CACNA2D3: variants seen among roughly 807,000 people sequenced by gnomAD.
CACNA2D3 encodes the protein voltage-dependent calcium channel subunit alpha-2/delta-3.
A neutral mutation model predicts 160.6 loss-of-function variants in CACNA2D3; 60 were observed. The observed-to-expected ratio is 0.37, with a 90% CI of 0.30 to 0.46. CACNA2D3 has a LOEUF of 0.46. Ranked by LOEUF, CACNA2D3 falls within the 20% of genes least tolerant of loss-of-function variation. The pLI is 1.00. For missense variants in CACNA2D3, 1,205 were observed against 1,365.0 expected (o/e 0.88, Z 1.85); for synonymous variants, 558 against 492.9 (o/e 1.13, Z -1.75).
intron 4 of CACNA2D3, among the ~76,000 whole-genome samples, chr3:54,495,031 C>G (rs1306767424): frequency 2.0e-5 from 3 of 152,158 alleles, no homozygotes; most frequent in Non-Finnish European, 4.4e-5. Context: ...GACATAGAGC[C>G]AAACCATATC....
intron 13 of CACNA2D3, among the ~76,000 whole-genome samples, chr3:54,797,761 C>T (rs1702896247): frequency 1.3e-5 from 2 of 152,152 alleles, no homozygotes; most frequent in African/African-American, 4.8e-5. Context: ...CTCTCAGTGA[C>T]TCCCTTAAGA....
At chr3:54,727,266 G>C (rs1701295087) in intron 11 of CACNA2D3, among the ~76,000 whole-genome samples, 1 of 152,208 alleles carries the variant, frequency 6.6e-6, no homozygotes, top group Admixed American at 6.5e-5. Context: ...AACAGATGTG[G>C]GAGAGGATGT....
In CACNA2D3 at chr3:54,838,502, G is replaced by A. The variant is rs9815851; in HGVS notation, c.1471-66G>A. 3.2e-3 allele frequency: 4,147 copies of A among 1,292,658 alleles called. 102 individuals carry two copies. The African/African-American group carries it at 0.051, about 16-fold the overall frequency. The allele number at this position is 1,292,658 out of a possible 1,614,324, so 80.1% of individuals were successfully genotyped here. A position where few individuals can be genotyped will look rare whatever the true frequency, so the allele number is the denominator to read the frequency against. On this transcript the variant is annotated intron_variant, in intron 15 of 37. Coordinates refer to ENST00000474759, the MANE Select transcript of CACNA2D3 (RefSeq NM_018398.3). ...CCAGGCAGACGGTATGTGACTTCTC[G>A]TGAGATTCTATTTCTTTTGCCAAGT...
intron 11 of CACNA2D3, among the ~76,000 whole-genome samples, chr3:54,742,666 C>T (rs1297943333): frequency 3.9e-5 from 6 of 152,014 alleles, no homozygotes; most frequent in Non-Finnish European, 7.4e-5. Context: ...GAATAGCAAC[C>T]ATCACATTGC....
At chr3:55,033,737 T>TAA (rs1703734611) in intron 35 of CACNA2D3, among the ~76,000 whole-genome samples, 7 of 111,456 alleles carry the variant, frequency 6.3e-5, no homozygotes, top group Admixed American at 1.2e-4. Flanking sequence ...ATATATTTTA[T>TAA]ATAATATATA....
intron 11 of CACNA2D3, among the ~76,000 whole-genome samples, chr3:54,726,659 G>A (rs551459797): frequency 1.3e-5 from 2 of 152,240 alleles, no homozygotes; most frequent in South Asian, 2.1e-4. Flanking sequence ...AACAAGTAAT[G>A]GGGAAAAGAT....
chr3:54,698,976 A>G (rs1700715933), intron 11 of CACNA2D3, among the ~76,000 whole-genome samples: 1 of 152,200 alleles, frequency 6.6e-6, no homozygotes, highest in Admixed American at 6.5e-5. Context: ...GAGTGGAATT[A>G]TTGAAATCAT....
chr3:54,244,345 A>G (rs1702030241), intron 2 of CACNA2D3, among the ~76,000 whole-genome samples: 1 of 152,262 alleles, frequency 6.6e-6, no homozygotes, highest in Non-Finnish European at 1.5e-5. Context: ...CCCAGACTTT[A>G]AACTAATAGC....
At chr3:54,587,601 C>G (rs1294850328) in intron 9 of CACNA2D3, among the ~76,000 whole-genome samples, 1 of 151,838 alleles carries the variant, frequency 6.6e-6, no homozygotes, top group Non-Finnish European at 1.5e-5. Context: ...AGAGAGAAGA[C>G]AAATCAGCAA....
chr3:54,719,550 CTT>C (rs948252316), intron 11 of CACNA2D3, among the ~76,000 whole-genome samples: 77 of 152,042 alleles, frequency 5.1e-4, no homozygotes, highest in African/African-American at 1.7e-3. Context: ...CTGCGTTTGA[CTT>C]TGTGCAATTT....
chr3:54,379,490 C>A (rs1049030914), intron 3 of CACNA2D3, among the ~76,000 whole-genome samples: 1 of 152,214 alleles, frequency 6.6e-6, no homozygotes, highest in Non-Finnish European at 1.5e-5. Context: ...ACTGCAGTTG[C>A]AGCATTGCAG....
intron 2 of CACNA2D3, among the ~76,000 whole-genome samples, 159 bp downstream of exon 2, chr3:54,123,753 C>T (rs145181038): frequency 1.3e-5 from 2 of 152,298 alleles, no homozygotes; most frequent in Non-Finnish European, 2.9e-5. Flanking sequence ...GTGACTTCTT[C>T]CTACCAACCG....
intron 2 of CACNA2D3, among the ~76,000 whole-genome samples, chr3:54,227,514 G>C (rs1416972782): frequency 1.4e-5 from 2 of 143,380 alleles, no homozygotes; most frequent in Non-Finnish European, 3.0e-5. Flanking sequence ...TTTGCAAGGG[G>C]ACAAGACAGA....
rs548988101 is a variant in CACNA2D3 at position 54,286,579 on chromosome 3, C to T, written c.205-33863C>T. On this transcript the variant is annotated intron_variant, in intron 2 of 37. Coordinates refer to ENST00000474759, the MANE Select transcript of CACNA2D3 (RefSeq NM_018398.3). ...ATTCAGATTCAGGAAATACAGAGAA[C>T]GCCACAAAGATATTCCTCGAGAAGA... 5.5e-4 allele frequency among the ~76,000 whole-genome samples: 84 copies of T among 152,150 alleles called. 1 individual carries two copies. Among genetic ancestry groups the T allele is most frequent in the African/African-American group, 1.9e-3 (77 of 41,502 alleles).
intron 2 of CACNA2D3, among the ~76,000 whole-genome samples, chr3:54,281,346 T>C (rs1353468331): frequency 6.6e-6 from 1 of 152,202 alleles, no homozygotes; most frequent in Non-Finnish European, 1.5e-5. Context: ...TCTTTTCCAC[T>C]GTGTATCCAG....
rs138087137 is a variant in CACNA2D3 at position 54,541,015 on chromosome 3, C to G, written c.545-21785C>G. Among the ~76,000 whole-genome samples, 148 of 152,148 alleles carry G rather than the reference C, an allele frequency of 9.7e-4. 2 individuals carry two copies. In the Middle Eastern group the frequency reaches 0.014, roughly 14 times the overall value. Reference sequence around the variant, plus strand: ...AAGGGAGGCCGAGCGTGGTGGCTCACGCCTGTAATCCCAGCACTTTGGGAG... The same window carrying G: ...AAGGGAGGCCGAGCGTGGTGGCTCAGGCCTGTAATCCCAGCACTTTGGGAG... On this transcript the variant is annotated intron_variant, in intron 5 of 37. Transcript: ENST00000474759.
chr3:54,507,613 A>G (rs181491568), intron 5 of CACNA2D3, among the ~76,000 whole-genome samples: 21 of 152,284 alleles, frequency 1.4e-4, no homozygotes, highest in Admixed American at 1.0e-3. Flanking sequence ...AGCAACAGAA[A>G]CAGAACCTGG....
At chr3:54,514,097 C>T (rs1470587473) in intron 5 of CACNA2D3, among the ~76,000 whole-genome samples, 4 of 152,222 alleles carry the variant, frequency 2.6e-5, no homozygotes, top group Non-Finnish European at 2.9e-5. Flanking sequence ...TCTTATTTTA[C>T]ATAAACACTT....
intron 3 of CACNA2D3, among the ~76,000 whole-genome samples, chr3:54,376,948 T>TA (rs924947540): frequency 1.3e-5 from 2 of 152,192 alleles, no homozygotes; most frequent in African/African-American, 2.4e-5. Context: ...CAAATTTATA[T>TA]AAAAATCCAT....
Sources: gnomAD v4.1 joint callset for allele counts (sites outside exome capture counted in the v4.1 genomes callset) on GRCh38, gnomAD v4.1.1 for gene constraint, MANE v1.5 for transcripts, NCBI Gene and HGNC (gene_info 2026-07-23, HGNC 2026-07-21) for gene names.